GRAP2: variants seen among roughly 807,000 people sequenced by gnomAD.
GRAP2 encodes the protein GRB2 related adaptor protein 2.
In GRAP2, 31 loss-of-function variants were observed where a neutral mutation model predicts 43.5. That is an observed-to-expected ratio of 0.71 (90% CI 0.54 to 0.96). The LOEUF is 0.96. Among genes scored for constraint, GRAP2 ranks in the 40% least tolerant of loss-of-function variants. GRAP2 has a pLI of 0.00. For synonymous variants in GRAP2, 156 were observed against 164.8 expected (o/e 0.95, Z 0.41); for missense variants, 371 against 424.4 (o/e 0.87, Z 1.11).
chr22:39,960,205 C>A, intron 4 of GRAP2, 31 bp downstream of exon 4: 19 of 1,604,836 alleles, frequency 1.2e-5, no homozygotes, highest in Non-Finnish European at 1.6e-5. Flanking sequence ...TGCCTTGGCC[C>A]TTCTCGGCCT....
Position 39,955,920 on chromosome 22 carries a change from TG to T in GRAP2, c.170+11del. ...ACATCCAGTTTCCCAAGTAAGTATCTGCAGCCTGCTGAGATGGGCCTAGCCA... is the reference window on the plus strand; with the variant it reads ...ACATCCAGTTTCCCAAGTAAGTATCTCAGCCTGCTGAGATGGGCCTAGCCA... On this transcript the variant is annotated intron_variant, in intron 3 of 7. Coordinates refer to ENST00000344138, the MANE Select transcript of GRAP2 (RefSeq NM_004810.4). 1 of 1,244,390 alleles carries T rather than the reference TG, an allele frequency of 8.0e-7. No individual in the cohort carries two copies. The highest frequency in any genetic ancestry group is 1.2e-6 in the Non-Finnish European group (1 of 842,180). The allele number at this position is 1,244,390 out of a possible 1,614,324, so 77.1% of individuals were successfully genotyped here.
chr22:39,960,302 T>C, intron 4 of GRAP2, 128 bp downstream of exon 4: 1 of 829,592 alleles, frequency 1.2e-6, no homozygotes. Context: ...GGGCCAAGCA[T>C]GGCAGCAGCT....
chr22:39,934,379 G>A (rs1163185142), intron 1 of GRAP2, among the ~76,000 whole-genome samples: 2 of 152,070 alleles, frequency 1.3e-5, no homozygotes, highest in African/African-American at 4.8e-5. Context: ...ATGAATGAAG[G>A]AGCCAGGATT....
intron 4 of GRAP2, chr22:39,964,705 T>G (rs1021681343): frequency 1.7e-5 from 6 of 343,146 alleles, no homozygotes; most frequent in Non-Finnish European, 2.5e-5. Flanking sequence ...CATTTAAGAA[T>G]AAACTTTTGT....
chr22:39,904,371 G>A (rs2066510624), intron 1 of GRAP2, among the ~76,000 whole-genome samples: 2 of 152,208 alleles, frequency 1.3e-5, no homozygotes, highest in South Asian at 4.1e-4. Flanking sequence ...CTGGTCGACA[G>A]AGCAAGATCC....
At chr22:39,946,828 G>T in intron 1 of GRAP2, 1 of 395,522 alleles carries the variant, frequency 2.5e-6, no homozygotes, top group South Asian at 3.2e-5. Context: ...ATGATGAAAG[G>T]AGAAGGGAAA....
chr22:39,902,354 C>T (rs183487311), intron 1 of GRAP2, among the ~76,000 whole-genome samples: 9 of 152,288 alleles, frequency 5.9e-5, no homozygotes, highest in South Asian at 2.1e-4. Context: ...AAGTTACTCT[C>T]CTTTAACAAT....
intron 1 of GRAP2, among the ~76,000 whole-genome samples, chr22:39,925,057 A>G (rs527375917): frequency 3.9e-5 from 6 of 152,316 alleles, no homozygotes; most frequent in South Asian, 4.1e-4. Flanking sequence ...GGGTTACGGC[A>G]GGCAGGGTGG....
chr22:39,924,358 A>G (rs994738470), intron 1 of GRAP2, among the ~76,000 whole-genome samples: 4 of 152,200 alleles, frequency 2.6e-5, no homozygotes, highest in African/African-American at 9.6e-5. Context: ...TGTGACAATC[A>G]TCACCACGGT....
At chr22:39,917,926 T>C (rs1407675321) in intron 1 of GRAP2, among the ~76,000 whole-genome samples, 2 of 152,198 alleles carry the variant, frequency 1.3e-5, no homozygotes, top group Admixed American at 6.5e-5. Context: ...CTTAGAACTC[T>C]TCTTATGTAA....
chr22:39,951,303 C>T (rs1443958957), intron 2 of GRAP2, among the ~76,000 whole-genome samples: 1 of 152,188 alleles, frequency 6.6e-6, no homozygotes, highest in African/African-American at 2.4e-5. Flanking sequence ...TTTGAATTTG[C>T]CATTAAATTT....
intron 1 of GRAP2, among the ~76,000 whole-genome samples, chr22:39,936,998 G>T (rs1413544706): frequency 6.6e-6 from 1 of 152,286 alleles, no homozygotes; most frequent in Non-Finnish European, 1.5e-5. Flanking sequence ...GGAGGGATTT[G>T]GTTATGTTGC....
At chr22:39,936,851 T>G (rs1236726212) in intron 1 of GRAP2, among the ~76,000 whole-genome samples, 1 of 152,204 alleles carries the variant, frequency 6.6e-6, no homozygotes, top group Non-Finnish European at 1.5e-5. Flanking sequence ...ATTGCAGTCT[T>G]TACCTCTTTG....
At chr22:39,966,237 C>A in intron 5 of GRAP2, 79 bp downstream of exon 5, 2 of 1,107,328 alleles carry the variant, frequency 1.8e-6, no homozygotes, top group Non-Finnish European at 2.7e-6. Flanking sequence ...AGGAAAAATG[C>A]ATAGGATGGG....
chr22:39,966,948 A>G (rs1175950014), intron 5 of GRAP2, among the ~76,000 whole-genome samples: 1 of 152,032 alleles, frequency 6.6e-6, no homozygotes, highest in African/African-American at 2.4e-5. Context: ...TTAAACACTA[A>G]GAACATGTTA....
At chr22:39,950,622 A>G (rs1262134505) in intron 2 of GRAP2, among the ~76,000 whole-genome samples, 1 of 152,260 alleles carries the variant, frequency 6.6e-6, no homozygotes, top group Non-Finnish European at 1.5e-5. Flanking sequence ...AACACAAGTC[A>G]TGGCCCAAAA....
intron 1 of GRAP2, among the ~76,000 whole-genome samples, chr22:39,946,665 C>A (rs762095797): frequency 6.6e-6 from 1 of 152,150 alleles, no homozygotes; most frequent in Non-Finnish European, 1.5e-5. Context: ...ATTAACACTG[C>A]CTGGTTAAAT....
intron 1 of GRAP2, among the ~76,000 whole-genome samples, chr22:39,946,566 A>T (rs771903118): frequency 6.6e-6 from 1 of 152,194 alleles, no homozygotes; most frequent in Non-Finnish European, 1.5e-5. Context: ...CTCCCAAACC[A>T]TGCAGAAGGA....
intron 1 of GRAP2, among the ~76,000 whole-genome samples, chr22:39,922,580 C>T (rs1178138089): frequency 6.6e-6 from 1 of 152,088 alleles, no homozygotes; most frequent in African/African-American, 2.4e-5. Flanking sequence ...CAAGAAGAGA[C>T]ATGGCACAGT....
Sources: gnomAD v4.1 joint callset for allele counts (sites outside exome capture counted in the v4.1 genomes callset) on GRCh38, gnomAD v4.1.1 for gene constraint, MANE v1.5 for transcripts, NCBI Gene and HGNC (gene_info 2026-07-23, HGNC 2026-07-21) for gene names.